THAP5: variants seen among roughly 807,000 people sequenced by gnomAD.
THAP5 encodes the protein THAP domain containing 5.
Under a neutral mutation model 34.0 loss-of-function variants are expected in THAP5, and 26 were observed. The observed-to-expected ratio is 0.77, with a 90% CI of 0.56 to 1.06. The LOEUF (loss-of-function observed/expected upper bound fraction) is 1.06, where lower values mean the gene tolerates loss of function less well. Ranked by LOEUF, THAP5 falls within the 50% of genes least tolerant of loss-of-function variation. The pLI is 0.00. For synonymous variants in THAP5, 125 were observed against 153.0 expected, an observed-to-expected ratio of 0.82 and a Z score of 1.35; for missense variants, 394 against 452.8, an observed-to-expected ratio of 0.87 and a Z score of 1.18.
the THAP5 span, among the ~76,000 whole-genome samples, chr7:108,548,491 G>A: frequency 6.6e-6 from 1 of 152,162 alleles, no homozygotes; most frequent in African/African-American, 2.4e-5. Context: ...GCAAATGAAG[G>A]CTTTCTAGAT....
intron 1 of THAP5, among the ~76,000 whole-genome samples, chr7:108,556,172 A>C (rs1169358506): frequency 2.6e-5 from 4 of 152,200 alleles, no homozygotes; most frequent in Non-Finnish European, 5.9e-5. Flanking sequence ...CATGGGGATT[A>C]CAATTTGAGA....
chr7:108,566,345 A>C (rs1199932940), intron 1 of THAP5, among the ~76,000 whole-genome samples: 1 of 152,214 alleles, frequency 6.6e-6, no homozygotes, highest in Non-Finnish European at 1.5e-5. Flanking sequence ...ATTATGTTCC[A>C]TTTTTATATT....
At chr7:108,544,821 C>G in the THAP5 span, among the ~76,000 whole-genome samples, 4 of 151,928 alleles carry the variant, frequency 2.6e-5, no homozygotes, top group African/African-American at 9.7e-5. Flanking sequence ...CCATGCCCAG[C>G]TAATTTTTGT....
downstream of THAP5, among the ~76,000 whole-genome samples, chr7:108,559,957 A>G (rs1056764607): frequency 1.4e-4 from 21 of 152,322 alleles, no homozygotes; most frequent in African/African-American, 4.6e-4. Context: ...CCATATCACT[A>G]TTTTAGAGCT....
chr7:108,564,533 T>G lies in THAP5; in HGVS notation c.846A>C (p.Lys282Asn). ...IAIFVPAENSKPSVNSFISAQ... is the reference protein window; with the variant it reads ...IAIFVPAENSNPSVNSFISAQ... ...CAGATATAAAAGAATTAACTGAGGG[T>G]TTAGAATTTTCAGCAGGTACAAAAA... The change falls in exon 3 of 3, where the codon AAA becomes AAC. Residue 282 changes from lysine to asparagine, a missense_variant. Coordinates refer to ENST00000415914, the MANE Select transcript of THAP5 (RefSeq NM_001130475.3). 1 of 1,613,800 alleles carries G rather than the reference T, an allele frequency of 6.2e-7. No individual in the cohort carries two copies. The highest frequency in any genetic ancestry group is 8.5e-7 in the Non-Finnish European group (1 of 1,179,884).
the THAP5 span, among the ~76,000 whole-genome samples, chr7:108,544,647 G>GTAATTAAT: frequency 5.6e-4 from 85 of 151,802 alleles, no homozygotes; most frequent in Non-Finnish European, 4.7e-4. Flanking sequence ...AAATTCTTTA[G>GTAATTAAT]TAATTAATTA....
At chr7:108,546,858 A>G in the THAP5 span, among the ~76,000 whole-genome samples, 10 of 152,300 alleles carry the variant, frequency 6.6e-5, no homozygotes, top group African/African-American at 2.4e-4. Flanking sequence ...TATATTACCA[A>G]TGCAAACCAG....
chr7:108,551,192 T>C (rs1489142901), downstream of THAP5, among the ~76,000 whole-genome samples: 1 of 152,212 alleles, frequency 6.6e-6, no homozygotes. Context: ...TGCTGTTTTT[T>C]ACTTATTTAT....
In THAP5 at chr7:108,564,823, G is replaced by A; in HGVS notation, c.556C>T (p.Gln186Ter). The change falls in exon 3 of 3, where the codon CAA (glutamine) becomes TAA (stop). Residue 186 changes from glutamine (Q) to a stop codon, truncating the protein, a stop_gained. Transcript: ENST00000415914. LOFTEE classifies it high-confidence loss of function. ...PESTLETSVN[Q>*]DTGRGGFHTC... is the part of the protein sequence containing the mutation. Reference sequence around the variant, plus strand: ...TGAAAACCACCTCTACCTGTATCTTGGTTAACTGATGTTTCCAAGGTAGAT... The same window carrying A: ...TGAAAACCACCTCTACCTGTATCTTAGTTAACTGATGTTTCCAAGGTAGAT... The A allele has an allele frequency of 6.2e-7, 1 of 1,613,260 alleles. No homozygotes were observed.
chr7:108,551,369 G>C (rs1470876066), downstream of THAP5, among the ~76,000 whole-genome samples: 1 of 152,176 alleles, frequency 6.6e-6, no homozygotes, highest in Non-Finnish European at 1.5e-5. Context: ...TTGCAAGAAT[G>C]TGTTCCCTCT....
chr7:108,550,640 C>T (rs778628057), downstream of THAP5, among the ~76,000 whole-genome samples: 2 of 152,176 alleles, frequency 1.3e-5, no homozygotes, highest in African/African-American at 2.4e-5. Flanking sequence ...TTTGGTTTCT[C>T]CTAAGGTCTC....
chr7:108,568,641 T>C (rs1490949946), intron 1 of THAP5: 1 of 154,646 alleles, frequency 6.5e-6, no homozygotes, highest in Non-Finnish European at 1.5e-5. Context: ...CTAAATGAAT[T>C]GTTTTTAAAT....
chr7:108,562,022 C>G (rs1384934732), downstream of THAP5, among the ~76,000 whole-genome samples: 3 of 152,174 alleles, frequency 2.0e-5, no homozygotes, highest in Non-Finnish European at 4.4e-5. Context: ...AGCTGAGCAT[C>G]CCCAATTCAA....
At chr7:108,556,534 T>TTAAATG (rs1864387148) in intron 1 of THAP5, among the ~76,000 whole-genome samples, 1 of 152,174 alleles carries the variant, frequency 6.6e-6, no homozygotes, top group Non-Finnish European at 1.5e-5. Flanking sequence ...AGGGCAGTCA[T>TTAAATG]TAAATGTCAA....
At chr7:108,542,906 T>C in the THAP5 span, among the ~76,000 whole-genome samples, 2 of 149,552 alleles carry the variant, frequency 1.3e-5, no homozygotes, top group African/African-American at 2.5e-5. Flanking sequence ...GGCTCAAAAC[T>C]TTTTTTTTTA....
chr7:108,557,086 G>A (rs1005018822), intron 1 of THAP5, among the ~76,000 whole-genome samples: 25 of 152,250 alleles, frequency 1.6e-4, no homozygotes, highest in African/African-American at 5.1e-4. Flanking sequence ...AGCTGGAGCA[G>A]CTAGGATGCA....
chr7:108,560,111 T>C (rs886912999), downstream of THAP5, among the ~76,000 whole-genome samples: 1 of 152,222 alleles, frequency 6.6e-6, no homozygotes, highest in African/African-American at 2.4e-5. Context: ...TACTCTCTTA[T>C]AAGATTACAT....
At chr7:108,553,342 C>A (rs1229624071), downstream of THAP5, among the ~76,000 whole-genome samples, 7 of 152,182 alleles carry the variant, frequency 4.6e-5, no homozygotes, top group Non-Finnish European at 1.0e-4. Flanking sequence ...GTGTACCTGG[C>A]TGATGCTGCT....
In THAP5 at chr7:108,564,585, T is replaced by C; in HGVS notation, c.794A>G (p.Asn265Ser). 6.2e-7 allele frequency: 1 copy of C among 1,613,960 alleles called. No individual in the cohort carries two copies. The highest frequency in any genetic ancestry group is 1.1e-5 in the South Asian group (1 of 91,072). ...GGCAATAACAGATTCTTTATTTGTG[T>C]TTAATTCTTCAACTGTTTGATTAAT... ...STINQTVEELNTNKESVIAIF... is the reference protein window; with the variant it reads ...STINQTVEELSTNKESVIAIF... The change falls in exon 3 of 3, where the codon AAC becomes AGC. Residue 265 changes from asparagine (N) to serine (S), a missense_variant. Physicochemically the swap from Asn to Ser is conservative, Grantham distance 46. Coordinates refer to ENST00000415914, the MANE Select transcript of THAP5 (RefSeq NM_001130475.3).
Sources: gnomAD v4.1 joint callset for allele counts (sites outside exome capture counted in the v4.1 genomes callset) on GRCh38, gnomAD v4.1.1 for gene constraint, MANE v1.5 for transcripts, NCBI Gene and HGNC (gene_info 2026-07-23, HGNC 2026-07-21) for gene names.